The following EPM2A variants were observed in gnomAD, a reference collection of about 807,000 sequenced individuals.
The protein encoded by EPM2A is laforin.
Under a neutral mutation model 26.5 loss-of-function variants are expected in EPM2A, and 21 were observed. The observed-to-expected ratio is 0.79, with a 90% CI of 0.56 to 1.14. The LOEUF (loss-of-function observed/expected upper bound fraction) is 1.14, where lower values mean the gene tolerates loss of function less well. EPM2A is among the 50% of genes most tolerant of loss of function. EPM2A has a pLI of 0.00. For missense variants in EPM2A, 458 were observed against 440.8 expected (o/e 1.04, Z -0.35); for synonymous variants, 217 against 177.6 (o/e 1.22, Z -1.76).
intron 2 of EPM2A, among the ~76,000 whole-genome samples, chr6:145,564,464 C>T (rs1780851905): frequency 6.6e-6 from 1 of 152,206 alleles, no homozygotes; most frequent in Admixed American, 6.5e-5. Flanking sequence ...AGGGGCCAAA[C>T]ACAGAAGCAA....
chr6:145,413,670 A>G (rs1778672211), intron 4 of EPM2A, among the ~76,000 whole-genome samples: 1 of 152,124 alleles, frequency 6.6e-6, no homozygotes, highest in African/African-American at 2.4e-5. Flanking sequence ...GTTTTGATGT[A>G]TATTTTGATA....
At chr6:145,609,292 G>A (rs990289757) in intron 2 of EPM2A, among the ~76,000 whole-genome samples, 8 of 152,134 alleles carry the variant, frequency 5.3e-5, no homozygotes, top group Admixed American at 2.0e-4. Context: ...AATAATCTTG[G>A]AACTGGGTCC....
At chr6:145,411,081 G>T (rs368287026) in intron 4 of EPM2A, among the ~76,000 whole-genome samples, 6 of 152,144 alleles carry the variant, frequency 3.9e-5, no homozygotes, top group Admixed American at 1.3e-4. Context: ...ATATGAACTA[G>T]GGGGAGTCTG....
chr6:145,714,163 C>A (rs1396751670), intron 1 of EPM2A, among the ~76,000 whole-genome samples: 1 of 152,296 alleles, frequency 6.6e-6, no homozygotes, highest in East Asian at 1.9e-4. Context: ...AGTTACATAA[C>A]ATTTTGTGAA....
At chr6:145,524,309 A>T (rs1478591211) in intron 2 of EPM2A, among the ~76,000 whole-genome samples, 1 of 152,124 alleles carries the variant, frequency 6.6e-6, no homozygotes, top group Non-Finnish European at 1.5e-5. Context: ...CAGTAATGGG[A>T]TTGCTGGGTC....
chr6:145,542,273 A>G (rs1780523315), intron 2 of EPM2A, among the ~76,000 whole-genome samples: 1 of 152,162 alleles, frequency 6.6e-6, no homozygotes, highest in Admixed American at 6.5e-5. Flanking sequence ...TTGCCATAAC[A>G]ACTGGACAGA....
At chr6:145,450,325 C>G (rs1361393355) in intron 4 of EPM2A, among the ~76,000 whole-genome samples, 1 of 145,462 alleles carries the variant, frequency 6.9e-6, no homozygotes, top group African/African-American at 2.5e-5. Flanking sequence ...TGCACTCCAG[C>G]CTGGGAGACA....
intron 2 of EPM2A, among the ~76,000 whole-genome samples, chr6:145,544,682 A>G (rs896428358): frequency 2.6e-5 from 4 of 152,162 alleles, no homozygotes; most frequent in African/African-American, 9.7e-5. Flanking sequence ...GCAACCTTGA[A>G]GCCATAGCAG....
chr6:145,702,091 C>A (rs1480883225), intron 1 of EPM2A, among the ~76,000 whole-genome samples: 2 of 152,134 alleles, frequency 1.3e-5, no homozygotes, highest in African/African-American at 2.4e-5. Flanking sequence ...CTCTTATTGC[C>A]TTCTCTTGCC....
chr6:145,469,819 C>A (rs1264154633), intron 4 of EPM2A, among the ~76,000 whole-genome samples: 1 of 152,066 alleles, frequency 6.6e-6, no homozygotes, highest in Non-Finnish European at 1.5e-5. Context: ...TGTTTATACA[C>A]AATGCAGTAC....
intron 2 of EPM2A, among the ~76,000 whole-genome samples, chr6:145,538,706 T>G (rs962752310): frequency 1.3e-5 from 2 of 152,230 alleles, no homozygotes; most frequent in African/African-American, 2.4e-5. Flanking sequence ...CTGGGATAAA[T>G]AAAATTGTTT....
At chr6:145,718,498 C>G (rs537977698) in intron 1 of EPM2A, among the ~76,000 whole-genome samples, 31 of 152,152 alleles carry the variant, frequency 2.0e-4, no homozygotes, top group Admixed American at 6.5e-4. Flanking sequence ...AAACATTAGA[C>G]CTAAAACCAT....
intron 4 of EPM2A, among the ~76,000 whole-genome samples, chr6:145,418,311 G>T (rs188422705): frequency 5.4e-4 from 82 of 152,258 alleles, no homozygotes; most frequent in African/African-American, 1.8e-3. Context: ...CTCAGTTCTT[G>T]TTCACTCTTA....
intron 2 of EPM2A, among the ~76,000 whole-genome samples, chr6:145,663,418 G>A (rs1243639407): frequency 1.4e-4 from 21 of 152,200 alleles, no homozygotes; most frequent in Admixed American, 1.0e-3. Flanking sequence ...TGCGTGAGCC[G>A]AAGCAGGGCG....
At chr6:145,734,069 C>T (rs998409634) in intron 1 of EPM2A, among the ~76,000 whole-genome samples, 1 of 152,092 alleles carries the variant, frequency 6.6e-6, no homozygotes, top group Non-Finnish European at 1.5e-5. Flanking sequence ...AAAATGACTG[C>T]ATTTTGACCT....
At chr6:145,464,847 G>A (rs1237771620) in intron 4 of EPM2A, among the ~76,000 whole-genome samples, 5 of 152,134 alleles carry the variant, frequency 3.3e-5, no homozygotes, top group Admixed American at 3.3e-4. Context: ...TAAATCTGCT[G>A]TAAGTCTGAT....
At chr6:145,620,148 GTTTTGTGAAAGACA>G (rs1233746262) in intron 2 of EPM2A, among the ~76,000 whole-genome samples, 3 of 152,198 alleles carry the variant, frequency 2.0e-5, no homozygotes, top group Admixed American at 1.3e-4. Flanking sequence ...CCAGGGACCA[GTTTTGTGAAAGACA>G]TTTTTTCCAT....
rs934733167 is a variant in EPM2A at position 145,710,142 on chromosome 6, C to G, written c.302-23846G>C. 1.9e-4 allele frequency among the ~76,000 whole-genome samples: 29 copies of G among 152,142 alleles called. 1 individual carries two copies. The highest frequency in any genetic ancestry group is 6.3e-4 in the African/African-American group (26 of 41,536). On this transcript the variant is annotated intron_variant, in intron 1 of 3. Transcript: ENST00000367519. ...GGGATCTAATTAAACTAAAGAGCTT[C>G]TGCACAGCAAAAGAAACTACCATCA...
intron 2 of EPM2A, among the ~76,000 whole-genome samples, chr6:145,562,404 C>G (rs6915094): frequency 0.36 from 54,212 of 151,884 alleles, 10,184 homozygotes; most frequent in South Asian, 0.51. Flanking sequence ...TTTGGTATAG[C>G]TGGGGTGAGA....
Sources: allele counts gnomAD v4.1 joint callset (sites outside exome capture counted in the v4.1 genomes callset), GRCh38; gene constraint gnomAD v4.1.1; transcripts MANE v1.5; gene names NCBI Gene and HGNC (gene_info 2026-07-23, HGNC 2026-07-21).